Variants in EDAR observed in about 807,000 individuals in gnomAD.
EDAR encodes tumor necrosis factor receptor superfamily member EDAR.
In EDAR, 38 loss-of-function variants were observed where a neutral mutation model predicts 51.3. That is an observed-to-expected ratio of 0.74 (90% CI 0.57 to 0.97). EDAR has a LOEUF of 0.97. EDAR is among the 50% of genes least tolerant of loss of function. EDAR has a pLI of 0.00. For synonymous variants in EDAR, 227 were observed against 242.1 expected (o/e 0.94, Z 0.58); for missense variants, 528 against 595.0 (o/e 0.89, Z 1.17).
chr2:108,970,151 G>C (rs905114536), intron 1 of EDAR, among the ~76,000 whole-genome samples: 9 of 152,104 alleles, frequency 5.9e-5, no homozygotes, highest in Non-Finnish European at 1.3e-4. Flanking sequence ...GCACTGAGAG[G>C]GGAGCATCGC....
At chr2:108,965,987 C>G (rs1331730808) in intron 1 of EDAR, among the ~76,000 whole-genome samples, 2 of 152,176 alleles carry the variant, frequency 1.3e-5, no homozygotes, top group Admixed American at 1.3e-4. Context: ...GGCCTTGTCC[C>G]TCATCTTTGA....
chr2:108,911,606 C>G (rs1696930264), intron 6 of EDAR, among the ~76,000 whole-genome samples: 1 of 152,230 alleles, frequency 6.6e-6, no homozygotes, highest in Non-Finnish European at 1.5e-5. Flanking sequence ...GCCGCCTCCA[C>G]CAGGCAGTCC....
chr2:108,939,482 G>A (rs1574392968), intron 1 of EDAR, among the ~76,000 whole-genome samples: 1 of 152,204 alleles, frequency 6.6e-6, no homozygotes, highest in Non-Finnish European at 1.5e-5. Flanking sequence ...TACCAGGTGG[G>A]GAGGTCAGGA....
At position 108,910,887 on chromosome 2, in the gene EDAR, C is replaced by T. The variant is rs114808659; in HGVS notation, c.656-37G>A. ...GGAGGGAGTGAGCAGCCAGGCTCTC[C>T]GACAGGGGGAGTTGACGGAGAGTCC... On this transcript the variant is annotated intron_variant, in intron 7 of 11. Coordinates refer to ENST00000258443, the MANE Select transcript of EDAR (RefSeq NM_022336.4). 3.6e-3 allele frequency: 5,847 copies of T among 1,613,978 alleles called. 182 individuals carry two copies. The African/African-American group carries it at 0.068, about 19-fold the overall frequency.
At chr2:108,929,140 C>G in intron 4 of EDAR, 58 bp downstream of exon 4, 1 of 1,599,928 alleles carries the variant, frequency 6.3e-7, no homozygotes, top group Non-Finnish European at 8.6e-7. Context: ...TTGCCCGTAG[C>G]CCCTCGGGGT....
chr2:108,900,755 G>A (rs1455568948), intron 11 of EDAR, among the ~76,000 whole-genome samples: 1 of 152,156 alleles, frequency 6.6e-6, no homozygotes, highest in Non-Finnish European at 1.5e-5. Flanking sequence ...AGAAGGCAGA[G>A]TGGCTATAAC....
intron 2 of EDAR, 71 bp downstream of exon 2, chr2:108,930,893 A>G: frequency 6.5e-7 from 1 of 1,537,492 alleles, no homozygotes; most frequent in Non-Finnish European, 9.0e-7. Flanking sequence ...TTACAGCTGA[A>G]GAGGCCAAGA....
At chr2:108,984,450 G>A (rs1698464731) in intron 1 of EDAR, among the ~76,000 whole-genome samples, 1 of 151,992 alleles carries the variant, frequency 6.6e-6, no homozygotes, top group Non-Finnish European at 1.5e-5. Flanking sequence ...GCCCGCTCAG[G>A]CTCCTGGTTC....
chr2:108,902,631 C>T (rs1474471610), intron 11 of EDAR, among the ~76,000 whole-genome samples: 2 of 152,064 alleles, frequency 1.3e-5, no homozygotes, highest in Non-Finnish European at 1.5e-5. Flanking sequence ...AATGCAAAAT[C>T]CTTAACAAAA....
At position 108,929,339 on chromosome 2, in the gene EDAR, A is replaced by T. The variant is rs1451127968; in HGVS notation, c.215T>A (p.Val72Asp). The change falls in exon 4 of 12, where the codon GTC (valine) becomes GAC (aspartate). Residue 72 changes from valine (V) to aspartate (D), a missense_variant. Physicochemically the swap from Val to Asp is radical, Grantham distance 152 (BLOSUM62 -3). Transcript: ENST00000258443. ...YGTKDEDYGC[V>D]PCPAEKFSKG... is the part of the protein sequence containing the mutation. ...GGAAAACTTCTCCGCCGGGCAGGGG[A>T]CGCAGCCGTAGTCCTCGTCTTTGGT... The T allele has an allele frequency of 6.2e-7, 1 of 1,613,934 alleles. No individual in the cohort carries two copies. The highest frequency in any genetic ancestry group is 1.3e-5 in the African/African-American group (1 of 74,884).
chr2:108,936,269 G>A (rs1196796551), intron 1 of EDAR, among the ~76,000 whole-genome samples: 2 of 152,252 alleles, frequency 1.3e-5, no homozygotes, highest in Non-Finnish European at 2.9e-5. Context: ...AAAGTCTGTA[G>A]GACGGATGTC....
intron 1 of EDAR, among the ~76,000 whole-genome samples, chr2:108,961,325 C>G: frequency 6.6e-6 from 1 of 152,136 alleles, no homozygotes; most frequent in East Asian, 1.9e-4. Flanking sequence ...GGCCTCTGCC[C>G]CCAGGACCCA....
rs905344760 is a variant in EDAR at position 108,908,004 on chromosome 2, T to A, written c.819A>T (p.Ser273=). The change falls in exon 10 of 12, where the codon TCA becomes TCT. Residue 273 remains serine, a synonymous_variant. Coordinates refer to ENST00000258443, the MANE Select transcript of EDAR (RefSeq NM_022336.4). ...AKPTKSENDA[S]SENEQLLSRS... ...GGCTCAGCAGCTGCTCATTCTCGGA[T>A]GAGGCATCGTTCTCGCTGCAAAAAC... The A allele has an allele frequency of 6.2e-7, 1 of 1,609,448 alleles. No homozygotes were observed. Among genetic ancestry groups the A allele is most frequent in the Non-Finnish European group, 8.5e-7 (1 of 1,176,502 alleles).
At chr2:108,978,050 C>A (rs1698357418) in intron 1 of EDAR, among the ~76,000 whole-genome samples, 2 of 152,212 alleles carry the variant, frequency 1.3e-5, no homozygotes, top group Admixed American at 6.5e-5. Flanking sequence ...CAAAGTCGTT[C>A]TTCCTTCTCC....
rs1696596011 is a variant in EDAR, at chr2:108,896,565, T to G, written c.*342A>C. On this transcript the variant is annotated 3_prime_UTR_variant, in exon 12 of 12. Coordinates refer to ENST00000258443, the MANE Select transcript of EDAR (RefSeq NM_022336.4). The stretch of plus-strand genomic sequence containing the variant: ...TAAAGACAGGGACCAGATTCTTCAC[T>G]TCTGTCATTCCCACGGGGTTTGATT... 1 of 266,608 alleles carries G rather than the reference T, an allele frequency of 3.8e-6. No individual in the cohort carries two copies. Among genetic ancestry groups the G allele is most frequent in the Non-Finnish European group, 7.2e-6 (1 of 138,038 alleles). The allele number at this position is 266,608 out of a possible 1,614,324, so 16.5% of individuals were successfully genotyped here.
At chr2:108,897,418 AAG>A (rs550938833) in intron 11 of EDAR, among the ~76,000 whole-genome samples, 189 bp from the exon 12 acceptor site, 31 of 152,306 alleles carry the variant, frequency 2.0e-4, no homozygotes, top group Admixed American at 1.9e-3. Flanking sequence ...TGCCAGCCAC[AAG>A]AGAGGGCTGT....
chr2:108,937,435 GTA>G (rs1424831186), intron 1 of EDAR, among the ~76,000 whole-genome samples: 1 of 151,928 alleles, frequency 6.6e-6, no homozygotes, highest in African/African-American at 2.4e-5. Flanking sequence ...TGTATGTATT[GTA>G]TATGTGAGGA....
chr2:108,940,178 T>G (rs1697566718), intron 1 of EDAR: 1 of 152,244 alleles, frequency 6.6e-6, no homozygotes, highest in Non-Finnish European at 1.5e-5. Context: ...GGCAATGACG[T>G]GAAGAGGCGG....
At chr2:108,982,421 G>A (rs1403669931) in intron 1 of EDAR, among the ~76,000 whole-genome samples, 1 of 152,252 alleles carries the variant, frequency 6.6e-6, no homozygotes, top group African/African-American at 2.4e-5. Context: ...CATGCAGCCA[G>A]TCCTTTAAGA....
Sources: gnomAD v4.1 joint callset for allele counts (sites outside exome capture counted in the v4.1 genomes callset) on GRCh38, gnomAD v4.1.1 for gene constraint, MANE v1.5 for transcripts, NCBI Gene and HGNC (gene_info 2026-07-23, HGNC 2026-07-21) for gene names.